Variants in MICAL3 observed in about 807,000 individuals in gnomAD.
The protein encoded by MICAL3 is microtubule associated monooxygenase, calponin and LIM domain containing 3, also known as [F-actin]-monooxygenase MICAL3.
MICAL3 carries 62 observed loss-of-function variants against 207.4 expected under a neutral mutation model. The observed-to-expected ratio is 0.30, with a 90% CI of 0.24 to 0.37. The LOEUF (loss-of-function observed/expected upper bound fraction) is 0.37. MICAL3 is among the 10% of genes least tolerant of loss of function. MICAL3 has a pLI of 1.00. For missense variants in MICAL3, 2,368 were observed against 2,635.6 expected, an observed-to-expected ratio of 0.90 and a Z score of 2.22; for synonymous variants, 1,077 against 1,069.3, an observed-to-expected ratio of 1.01 and a Z score of -0.14.
intron 19 of MICAL3, among the ~76,000 whole-genome samples, chr22:17,853,236 C>G (rs1313905349): frequency 1.3e-5 from 2 of 152,278 alleles, no homozygotes; most frequent in East Asian, 1.9e-4. Context: ...CAAATTTAGC[C>G]AAGCAGCCAT....
intron 1 of MICAL3, among the ~76,000 whole-genome samples, chr22:17,925,479 G>A (rs1391244573): frequency 6.6e-6 from 1 of 152,124 alleles, no homozygotes; most frequent in Non-Finnish European, 1.5e-5. Context: ...ACCTGAAGAC[G>A]ATTATGGTTC....
intron 16 of MICAL3, chr22:17,876,777 G>A (rs1178741094): frequency 1.5e-5 from 2 of 136,332 alleles, no homozygotes; most frequent in Non-Finnish European, 3.1e-5. Flanking sequence ...GGAAGTTATG[G>A]AGGTTAGGGA....
intron 19 of MICAL3, among the ~76,000 whole-genome samples, chr22:17,842,779 G>C (rs2146077107): frequency 6.6e-6 from 1 of 152,328 alleles, no homozygotes; most frequent in East Asian, 1.9e-4. Flanking sequence ...CGGCGATCTT[G>C]GCCGGAGTCC....
At chr22:17,964,637 A>G (rs1935064512) in intron 1 of MICAL3, among the ~76,000 whole-genome samples, 1 of 152,210 alleles carries the variant, frequency 6.6e-6, no homozygotes, top group African/African-American at 2.4e-5. Context: ...GAACCCTCTG[A>G]CAGAAAGTTT....
chr22:17,895,007 G>A (rs1347902993), intron 10 of MICAL3, among the ~76,000 whole-genome samples: 1 of 152,160 alleles, frequency 6.6e-6, no homozygotes, highest in Non-Finnish European at 1.5e-5. Flanking sequence ...GTGCTCTTCC[G>A]TAAAGTAAGA....
chr22:17,997,523 C>T (rs1922425232), intron 1 of MICAL3, among the ~76,000 whole-genome samples: 1 of 152,178 alleles, frequency 6.6e-6, no homozygotes, highest in African/African-American at 2.4e-5. Flanking sequence ...AACATAAAGC[C>T]CGTCCAACCC....
intron 1 of MICAL3, among the ~76,000 whole-genome samples, chr22:17,987,712 G>A (rs1036171208): frequency 1.3e-5 from 2 of 152,178 alleles, no homozygotes; most frequent in Admixed American, 1.3e-4. Context: ...ACTGTCCTGT[G>A]GTGTGGACAA....
chr22:17,816,835 C>A, intron 26 of MICAL3, 51 bp from the exon 27 acceptor site: 1 of 1,321,734 alleles, frequency 7.6e-7, no homozygotes, highest in South Asian at 1.3e-5. Flanking sequence ...GCAGGCGCAG[C>A]CCTCTCCTGC....
At chr22:17,959,293 G>A (rs1428065097) in intron 1 of MICAL3, among the ~76,000 whole-genome samples, 1 of 151,374 alleles carries the variant, frequency 6.6e-6, no homozygotes, top group Non-Finnish European at 1.5e-5. Flanking sequence ...GGGATTACAG[G>A]TGTGAGCCAC....
chr22:17,802,845 C>T (rs889543608), intron 29 of MICAL3, among the ~76,000 whole-genome samples: 7 of 152,096 alleles, frequency 4.6e-5, no homozygotes, highest in Non-Finnish European at 7.4e-5. Context: ...CAAGGACACA[C>T]GGACAGGGAG....
chr22:17,891,770 A>C, intron 11 of MICAL3, 138 bp from the exon 12 acceptor site: 1 of 737,478 alleles, frequency 1.4e-6, no homozygotes, highest in South Asian at 1.8e-5. Context: ...GTTTCCATGC[A>C]AAGAAAACAG....
chr22:17,933,125 T>C (rs911585545), intron 1 of MICAL3, among the ~76,000 whole-genome samples: 2 of 152,190 alleles, frequency 1.3e-5, no homozygotes, highest in African/African-American at 4.8e-5. Context: ...GCAGACCTAA[T>C]AGACATCTAC....
At chr22:17,939,723 G>A (rs531159513) in intron 1 of MICAL3, among the ~76,000 whole-genome samples, 7 of 152,324 alleles carry the variant, frequency 4.6e-5, no homozygotes, top group Admixed American at 3.3e-4. Flanking sequence ...TAGCTGGAGA[G>A]TGACTGGGAA....
At chr22:17,802,291 C>T (rs1259934424) in intron 29 of MICAL3, among the ~76,000 whole-genome samples, 2 of 152,174 alleles carry the variant, frequency 1.3e-5, no homozygotes, top group African/African-American at 2.4e-5. Context: ...TTTCAAACTC[C>T]TGGGCTCAAA....
chr22:17,936,214 G>A (rs1933520030), intron 1 of MICAL3, among the ~76,000 whole-genome samples: 1 of 152,126 alleles, frequency 6.6e-6, no homozygotes, highest in Non-Finnish European at 1.5e-5. Flanking sequence ...AAGAAAATGT[G>A]GCACACATAC....
rs377690873 is a variant in MICAL3 at position 17,870,613 on chromosome 22, G to A, written c.2428+1224C>T. 4.6e-5 allele frequency among the ~76,000 whole-genome samples: 7 copies of A among 152,288 alleles called. No individual in the cohort carries two copies. In the South Asian group the frequency reaches 6.2e-4, roughly 14 times the overall value. On this transcript the variant is annotated intron_variant, in intron 17 of 31. Transcript: ENST00000441493. ...TGAGAGGCTAACTAGAACACCCTGAGCATCAGGGACAGCTCAGCGAGGTTG... is the reference window on the plus strand; with the variant it reads ...TGAGAGGCTAACTAGAACACCCTGAACATCAGGGACAGCTCAGCGAGGTTG...
chr22:17,919,254 G>A (rs1480811955), intron 1 of MICAL3, among the ~76,000 whole-genome samples: 1 of 152,094 alleles, frequency 6.6e-6, no homozygotes, highest in Non-Finnish European at 1.5e-5. Flanking sequence ...TGTAGAGATA[G>A]GGCCTATGTT....
Position 17,893,779 on chromosome 22 carries a change from C to A in MICAL3, c.1546+29G>T, listed in dbSNP as rs534845680. On this transcript the variant is annotated intron_variant, in intron 11 of 31. Coordinates refer to ENST00000441493, the MANE Select transcript of MICAL3 (RefSeq NM_015241.3). ...TAGACTTCTCTGAAGGGGCTGCCTG[C>A]ATTTTAAAAAGCCACCACCAGAACT... 51 of 1,495,130 alleles carry A rather than the reference C, an allele frequency of 3.4e-5. 1 individual carries two copies. The South Asian group carries it at 5.5e-4, about 16-fold the overall frequency. The allele number at this position is 1,495,130 out of a possible 1,614,324, so 92.6% of individuals were successfully genotyped here. A position where few individuals can be genotyped will look rare whatever the true frequency, so the allele number is the denominator to read the frequency against.
In MICAL3 at chr22:17,865,917, C is replaced by G. The variant is rs1279233365; in HGVS notation, c.2517+7G>C. On this transcript the variant is annotated splice_region_variant and intron_variant, in intron 18 of 31. Transcript: ENST00000441493. ...TTCTCCCCCACTTACAGGAGAGTCA[C>G]CATTACCTTTCCAGACAGGGGAGCC... 1 of 1,610,132 alleles carries G rather than the reference C, an allele frequency of 6.2e-7. No individual in the cohort carries two copies.
Sources: gnomAD v4.1 joint callset for allele counts (sites outside exome capture counted in the v4.1 genomes callset) on GRCh38, gnomAD v4.1.1 for gene constraint, MANE v1.5 for transcripts, NCBI Gene and HGNC (gene_info 2026-07-23, HGNC 2026-07-21) for gene names.